Variants in ACY1 observed in about 807,000 individuals in gnomAD.
The protein encoded by ACY1 is aminoacylase 1.
ACY1 carries 38 observed loss-of-function variants against 53.3 expected under a neutral mutation model. The ratio of observed to expected loss-of-function variants is 0.71; its 90% CI spans 0.55 to 0.93. The LOEUF is 0.93. Ranked by LOEUF, ACY1 falls within the 40% of genes least tolerant of loss-of-function variation. ACY1 has a pLI of 0.00. For synonymous variants in ACY1, 177 were observed against 202.1 expected (o/e 0.88, Z 1.05); for missense variants, 484 against 540.9 (o/e 0.89, Z 1.04).
chr3:51,985,197 G>A lies in ACY1; in HGVS notation c.95-10G>A, dbSNP rs1701014092. The stretch of plus-strand genomic sequence containing the variant: ...GGCAGAAGCAGCCCCAAGACACTCT[G>A]TGCCTCCAGGAGCTGCTGTGGCTTT... On this transcript the variant is annotated splice_polypyrimidine_tract_variant and intron_variant, in intron 2 of 14. Transcript: ENST00000636358. The A allele has an allele frequency of 6.2e-7, 1 of 1,600,518 alleles. No homozygotes were observed. Among genetic ancestry groups the A allele is most frequent in the Non-Finnish European group, 8.5e-7 (1 of 1,174,336 alleles).
chr3:51,986,978 A>G lies in ACY1; in HGVS notation c.584-10A>G. On this transcript the variant is annotated splice_polypyrimidine_tract_variant and intron_variant, in intron 8 of 14. Transcript: ENST00000636358. Reference sequence around the variant, plus strand: ...GCTGAAGACACTGCCTTCCCCCTACACCTCCCCAGGGGTGCGGGTTACCAG... The same window carrying G: ...GCTGAAGACACTGCCTTCCCCCTACGCCTCCCCAGGGGTGCGGGTTACCAG... 1 of 1,611,208 alleles carries G rather than the reference A, an allele frequency of 6.2e-7. No homozygotes were observed. The highest frequency in any genetic ancestry group is 8.5e-7 in the Non-Finnish European group (1 of 1,179,702).
intron 2 of ACY1, chr3:51,984,518 CA>C: frequency 2.6e-6 from 1 of 390,838 alleles, no homozygotes. Flanking sequence ...CTTAGGGAGT[CA>C]AGCTTGGTGG....
chr3:51,986,653 G>A lies in ACY1; in HGVS notation c.575G>A (p.Ser192Asn), dbSNP rs963077407. 18 of 1,613,870 alleles carry A rather than the reference G, an allele frequency of 1.1e-5. No homozygotes were observed. The highest frequency in any genetic ancestry group is 1.4e-5 in the Non-Finnish European group (17 of 1,179,992). Residue 192 changes from serine (S) to asparagine (N), a missense_variant, in exon 8 of 15, where the codon AGT (serine) becomes AAT (asparagine). Coordinates refer to ENST00000636358, the MANE Select transcript of ACY1 (RefSeq NM_000666.3). ...DAFTVFYSER[S>N]PWWVRVTSTG... ...TTCACTGTCTTTTATAGTGAGCGGAGTCCCTGGTGTAAGTATGAGCTTGGA... is the reference window on the plus strand; with the variant it reads ...TTCACTGTCTTTTATAGTGAGCGGAATCCCTGGTGTAAGTATGAGCTTGGA...
chr3:51,987,980 C>T (rs562095111), intron 12 of ACY1: 3 of 319,946 alleles, frequency 9.4e-6, no homozygotes, highest in East Asian at 8.3e-5. Flanking sequence ...ATTCTTGTGC[C>T]TCAGCCTCCA....
intron 2 of ACY1, chr3:51,984,839 A>AG (rs983777294): frequency 1.1e-5 from 3 of 282,944 alleles, no homozygotes; most frequent in African/African-American, 4.5e-5. Flanking sequence ...AAAAAGGAAA[A>AG]GAAAAAAAAA....
chr3:51,986,699 C>T (rs760071840), intron 8 of ACY1, 38 bp downstream of exon 8: 15 of 1,610,236 alleles, frequency 9.3e-6, no homozygotes, highest in East Asian at 2.2e-5. Flanking sequence ...ACTCTACAGG[C>T]GGGAGGCTAG....
At chr3:51,986,171 C>T (rs1701048729) in intron 5 of ACY1, 84 bp from the exon 6 acceptor site, 1 of 1,426,606 alleles carries the variant, frequency 7.0e-7, no homozygotes, top group East Asian at 2.4e-5. Flanking sequence ...GTCCAGGACA[C>T]AGGACTCCAG....
Position 51,985,415 on chromosome 3 carries a change from CT to C in ACY1, c.215del (p.Leu72ProfsTer43), listed in dbSNP as rs779377654. The C allele has an allele frequency of 6.2e-7, 1 of 1,614,168 alleles. No individual in the cohort carries two copies. The highest frequency in any genetic ancestry group is 1.1e-5 in the South Asian group (1 of 91,084). On this transcript the variant is annotated frameshift_variant, in exon 4 of 15. Transcript: ENST00000636358. LOFTEE classifies it high-confidence loss of function. The part of the protein sequence containing the change: ...VLTWPGTNPT[L>X]SSILLNSHTD... Reference sequence around the variant, plus strand: ...GACCTGGCCAGGCACCAACCCTACACTCTCCTCCATCTTGCTCAACTCCCAC... The same window carrying C: ...GACCTGGCCAGGCACCAACCCTACACCTCCTCCATCTTGCTCAACTCCCAC...
intron 4 of ACY1, 132 bp from the exon 5 acceptor site, chr3:51,985,720 G>A (rs1005796039): frequency 1.7e-5 from 15 of 859,786 alleles, no homozygotes; most frequent in African/African-American, 1.5e-4. Flanking sequence ...TTCAGCCCCC[G>A]TCTTTCCTCT....
At chr3:51,985,790 G>T in intron 4 of ACY1, 62 bp from the exon 5 acceptor site, 1 of 1,431,234 alleles carries the variant, frequency 7.0e-7, no homozygotes, top group South Asian at 1.2e-5. Flanking sequence ...GGCCACTGTT[G>T]ACCAGAGTGG....
rs1701080421 is a variant in ACY1, at chr3:51,986,857, A to G, written c.584-131A>G. The G allele has an allele frequency of 4.0e-6, 5 of 1,239,290 alleles. No homozygotes were observed. The South Asian group carries it at 6.4e-5, about 16-fold the overall frequency. The allele number at this position is 1,239,290 out of a possible 1,614,324, so 76.8% of individuals were successfully genotyped here. A position where few individuals can be genotyped will look rare whatever the true frequency, so the allele number is the denominator to read the frequency against. ...AATGGGCAGAAACCAGCTGTATGCT[A>G]CGGGCCCTGAGTGGGGACAGGACCC... On this transcript the variant is annotated intron_variant, in intron 8 of 14. Coordinates refer to ENST00000636358, the MANE Select transcript of ACY1 (RefSeq NM_000666.3).
intron 5 of ACY1, 41 bp from the exon 6 acceptor site, chr3:51,986,214 C>T (rs1429371982): frequency 1.9e-6 from 3 of 1,603,638 alleles, no homozygotes; most frequent in East Asian, 2.2e-5. Flanking sequence ...CCAGCCTGCG[C>T]ATCTGGTGGC....
In ACY1 at chr3:51,984,062, G is replaced by T; in HGVS notation, c.-3G>T. 6.2e-7 allele frequency: 1 copy of T among 1,613,092 alleles called. No homozygotes were observed. On this transcript the variant is annotated 5_prime_UTR_variant, in exon 2 of 15. Coordinates refer to ENST00000636358, the MANE Select transcript of ACY1 (RefSeq NM_000666.3). ...TTGCCCCCAGCTCACCACGCGCAGC[G>T]CCATGACCAGCAAGGGTCCCGAGGA...
rs1274732797 is a variant in ACY1 at position 51,987,014 on chromosome 3, C to A, written c.610C>A (p.Pro204Thr). 6.2e-7 allele frequency: 1 copy of A among 1,612,996 alleles called. No individual in the cohort carries two copies. The highest frequency in any genetic ancestry group is 1.3e-5 in the African/African-American group (1 of 75,004). The change falls in exon 9 of 15, where the codon CCA becomes ACA. Residue 204 changes from proline (P) to threonine (T), a missense_variant. By Grantham distance (38) the Pro-to-Thr change is conservative (BLOSUM62 -1). Transcript: ENST00000636358. ...WWVRVTSTGR[P>T]GHASRFMEDT... is the part of the protein sequence containing the mutation. The stretch of plus-strand genomic sequence containing the variant: ...GGTGCGGGTTACCAGCACTGGGAGG[C>A]CAGGCCATGCCTCACGCTTCATGGA...
chr3:51,986,910 G>C (rs1701082918), intron 8 of ACY1, 78 bp from the exon 9 acceptor site: 1 of 1,488,342 alleles, frequency 6.7e-7, no homozygotes, highest in African/African-American at 1.4e-5. Context: ...ATGAGGGGGA[G>C]ACCTGGGCCC....
At chr3:51,987,663 C>T (rs756914605) in intron 12 of ACY1, 39 bp downstream of exon 12, 13 of 1,602,520 alleles carry the variant, frequency 8.1e-6, no homozygotes, top group Middle Eastern at 1.7e-4. Flanking sequence ...GTGTGGGAGC[C>T]GGGGGAGACC....
At chr3:51,985,120 C>G in intron 2 of ACY1, 87 bp from the exon 3 acceptor site, 1 of 1,347,594 alleles carries the variant, frequency 7.4e-7, no homozygotes, top group East Asian at 2.5e-5. Flanking sequence ...CAGCCCATTT[C>G]TGGGTATGCT....
rs200518761 is a variant in ACY1, at chr3:51,989,016, A to G, written c.1168A>G (p.Ile390Val). The change falls in exon 15 of 15, where the codon ATA becomes GTA. Residue 390 changes from isoleucine to valine, a missense_variant. Coordinates refer to ENST00000636358, the MANE Select transcript of ACY1 (RefSeq NM_000666.3). Reference sequence around the variant, plus strand: ...GGCTGTGTTCCTCCGTGGGGTGGACATATATACACGCCTGCTGCCTGCCCT... The same window carrying G: ...GGCTGTGTTCCTCCGTGGGGTGGACGTATATACACGCCTGCTGCCTGCCCT... ...HEAVFLRGVD[I>V]YTRLLPALAS... 1.9e-5 allele frequency: 31 copies of G among 1,613,942 alleles called. No individual in the cohort carries two copies. Among genetic ancestry groups the G allele is most frequent in the Non-Finnish European group, 2.5e-5 (30 of 1,180,016 alleles).
chr3:51,983,594 G>C lies in ACY1; in HGVS notation c.-19+5G>C. On this transcript the variant is annotated splice_donor_5th_base_variant and intron_variant, in intron 1 of 14. Transcript: ENST00000636358. Reference sequence around the variant, plus strand: ...GCCCAGCGACAGGAGAGTGAGGTGGGGGCCCTGGGGAGGGATAGAGGGACT... The same window carrying C: ...GCCCAGCGACAGGAGAGTGAGGTGGCGGCCCTGGGGAGGGATAGAGGGACT... 4.3e-6 allele frequency: 1 copy of C among 230,788 alleles called. No individual in the cohort carries two copies. The highest frequency in any genetic ancestry group is 5.2e-5 in the South Asian group (1 of 19,056). The allele number at this position is 230,788 out of a possible 1,614,324, so 14.3% of individuals were successfully genotyped here.
Sources: allele counts gnomAD v4.1 joint callset, GRCh38; gene constraint gnomAD v4.1.1; transcripts MANE v1.5; gene names NCBI Gene and HGNC (gene_info 2026-07-23, HGNC 2026-07-21).